CDC14B: variants seen among roughly 807,000 people sequenced by gnomAD.
CDC14B encodes the protein cell division cycle 14B.
In CDC14B, 22 loss-of-function variants were observed where a neutral mutation model predicts 64.2. The ratio of observed to expected loss-of-function variants is 0.34; its 90% CI spans 0.24 to 0.49. The LOEUF is 0.49. Among genes scored for constraint, CDC14B ranks in the 20% least tolerant of loss-of-function variants. The pLI is 0.99. For missense variants in CDC14B, 498 were observed against 629.9 expected, an observed-to-expected ratio of 0.79 and a Z score of 2.24; for synonymous variants, 191 against 215.8, an observed-to-expected ratio of 0.89 and a Z score of 1.01.
chr9:96,609,475 CT>C (rs1255463944), intron 1 of CDC14B, among the ~76,000 whole-genome samples: 2 of 152,292 alleles, frequency 1.3e-5, no homozygotes, highest in Admixed American at 6.5e-5. Context: ...TCCCTTGCCC[CT>C]CCATTCTTTA....
intron 1 of CDC14B, among the ~76,000 whole-genome samples, chr9:96,569,732 C>A (rs1184674279): frequency 6.6e-6 from 1 of 152,088 alleles, no homozygotes. Context: ...TCAAGCGATT[C>A]TCCTGCCTCA....
intron 12 of CDC14B, among the ~76,000 whole-genome samples, chr9:96,511,821 G>A (rs527500325): frequency 3.9e-5 from 6 of 152,252 alleles, no homozygotes; most frequent in East Asian, 1.9e-4. Flanking sequence ...AGGTGGTTGC[G>A]GTGGCTTATG....
intron 1 of CDC14B, among the ~76,000 whole-genome samples, chr9:96,613,923 C>T (rs940196746): frequency 2.0e-5 from 3 of 151,908 alleles, no homozygotes; most frequent in African/African-American, 4.8e-5. Flanking sequence ...ATAAATTTTC[C>T]CTGTCTAATG....
At chr9:96,555,939 T>C (rs1004765181) in intron 4 of CDC14B, among the ~76,000 whole-genome samples, 1 of 150,164 alleles carries the variant, frequency 6.7e-6, no homozygotes, top group Non-Finnish European at 1.5e-5. Flanking sequence ...CTCGGAGGTA[T>C]TGAACTAGCA....
chr9:96,606,527 TTGTGTGTGTGTGTG>T (rs376059971), intron 1 of CDC14B, among the ~76,000 whole-genome samples: 1,520 of 112,850 alleles, frequency 0.013, 41 homozygotes, highest in African/African-American at 0.046. Context: ...TACTAAAAGT[TTGTGTGTGTGTGTG>T]TGTGTGTGTG....
chr9:96,514,362 G>A (rs72745874), intron 12 of CDC14B: 15 of 874,868 alleles, frequency 1.7e-5, no homozygotes, highest in South Asian at 5.2e-5. Flanking sequence ...TGTGGCAATC[G>A]TAGTTGACTA....
exon 14 of CDC14B, chr9:96,491,275 ACT>A (rs1833091731): frequency 6.6e-6 from 1 of 152,252 alleles, no homozygotes; most frequent in Non-Finnish European, 1.5e-5. Flanking sequence ...ACTTTGCCAC[ACT>A]GTCTAAGGTG....
intron 1 of CDC14B, chr9:96,618,555 G>A (rs750557721): frequency 3.7e-6 from 2 of 533,484 alleles, no homozygotes; most frequent in African/African-American, 3.8e-5. Flanking sequence ...TTGCCGGCTG[G>A]CTCGAATGCC....
chr9:96,584,986 A>G (rs1845376947), intron 1 of CDC14B, among the ~76,000 whole-genome samples: 3 of 152,216 alleles, frequency 2.0e-5, no homozygotes, highest in Non-Finnish European at 2.9e-5. Flanking sequence ...TTTTGAATAC[A>G]TAATTGCCTT....
Position 96,502,164 on chromosome 9 carries a change from C to A in CDC14B, c.*1589G>T, listed in dbSNP as rs1248291724. 1 of 152,104 alleles carries A rather than the reference C, an allele frequency of 6.6e-6. No homozygotes were observed. Among genetic ancestry groups the A allele is most frequent in the East Asian group, 1.9e-4 (1 of 5,190 alleles). The allele number at this position is 152,104 out of a possible 1,614,324, so 9.4% of individuals were successfully genotyped here. On this transcript the variant is annotated 3_prime_UTR_variant, in exon 14 of 14. Coordinates refer to ENST00000375241, the MANE Select transcript of CDC14B (RefSeq NM_033331.4). ...CCACTGTTTTTCTGTGATCCAGTCC[C>A]CAGTGTTTAAAAGCTGGCCTGACCC...
At chr9:96,595,783 G>C (rs536670868) in intron 1 of CDC14B, among the ~76,000 whole-genome samples, 1 of 152,180 alleles carries the variant, frequency 6.6e-6, no homozygotes, top group African/African-American at 2.4e-5. Context: ...AAGTAGATTC[G>C]TAGTTGCGCC....
At chr9:96,498,732 T>C (rs759945133), downstream of CDC14B, among the ~76,000 whole-genome samples, 10 of 152,214 alleles carry the variant, frequency 6.6e-5, no homozygotes, top group Middle Eastern at 3.2e-3. Flanking sequence ...CCCGATACTG[T>C]TTTAAGCACT....
chr9:96,527,277 T>C (rs1349831331), intron 9 of CDC14B, among the ~76,000 whole-genome samples: 1 of 152,114 alleles, frequency 6.6e-6, no homozygotes, highest in South Asian at 2.1e-4. Flanking sequence ...CGGGCGCCTG[T>C]AGTCCCAGCT....
At chr9:96,503,900 T>C (rs764021065) in intron 13 of CDC14B, 111 bp from the exon 14 acceptor site, 1 of 796,838 alleles carries the variant, frequency 1.3e-6, no homozygotes, top group Non-Finnish European at 2.1e-6. Flanking sequence ...CTAAAAAGTA[T>C]ACGCTTGCTG....
rs57056796 is a variant in CDC14B, at chr9:96,574,697, C to CAAAAAAAAAAAAAAAAAAAAAAAAAAAAA, written c.161-9215_161-9214insTTTTTTTTTTTTTTTTTTTTTTTTTTTTT. ...GCAACAAGAGCGAAACTCGGTCTCACAAAAAAAAAAAAAAAAAAAAAAGAT... is the reference window on the plus strand; with the variant it reads ...GCAACAAGAGCGAAACTCGGTCTCACAAAAAAAAAAAAAAAAAAAAAAAAAAAAAAAAAAAAAAAAAAAAAAAAAAAGAT... On this transcript the variant is annotated intron_variant, in intron 1 of 13. Coordinates refer to ENST00000375241, the MANE Select transcript of CDC14B (RefSeq NM_033331.4). Among the ~76,000 whole-genome samples, 2 of 49,968 alleles carry CAAAAAAAAAAAAAAAAAAAAAAAAAAAAA rather than the reference C, an allele frequency of 4.0e-5. 1 individual carries two copies. The highest frequency in any genetic ancestry group is 1.7e-4 in the African/African-American group (2 of 11,910). The allele number at this position is 49,968 out of a possible 152,430, so 32.8% of individuals were successfully genotyped here. A position where few individuals can be genotyped will look rare whatever the true frequency, so the allele number is the denominator to read the frequency against.
chr9:96,507,620 T>TG (rs1369038873), intron 13 of CDC14B, among the ~76,000 whole-genome samples: 4 of 152,034 alleles, frequency 2.6e-5, no homozygotes, highest in African/African-American at 9.7e-5. Context: ...TTCACCATCT[T>TG]GGCCAGGCTG....
At chr9:96,519,320 C>T (rs1836278222) in intron 12 of CDC14B, among the ~76,000 whole-genome samples, 1 of 152,152 alleles carries the variant, frequency 6.6e-6, no homozygotes, top group Non-Finnish European at 1.5e-5. Context: ...TGAAGATCAG[C>T]TCAATGTCAT....
intron 1 of CDC14B, among the ~76,000 whole-genome samples, chr9:96,615,705 C>A (rs187906524): frequency 6.6e-6 from 1 of 152,124 alleles, no homozygotes; most frequent in Non-Finnish European, 1.5e-5. Context: ...AAACATTAAA[C>A]GTGGAGATAC....
At position 96,560,739 on chromosome 9, in the gene CDC14B, C is replaced by T. The variant is rs112624243; in HGVS notation, c.420+1954G>A. On this transcript the variant is annotated intron_variant, in intron 4 of 13. Transcript: ENST00000375241. ...CTGGGATTACAGGCGCCTGCCACCA[C>T]GCCTGCCAAACTACTCAAACTTTTT... Among the ~76,000 whole-genome samples, 1,136 of 150,658 alleles carry T rather than the reference C, an allele frequency of 7.5e-3. 24 individuals are homozygous for T. The highest frequency in any genetic ancestry group is 0.026 in the African/African-American group (1,055 of 40,708).
Sources: gnomAD v4.1 joint callset for allele counts (sites outside exome capture counted in the v4.1 genomes callset) on GRCh38, gnomAD v4.1.1 for gene constraint, MANE v1.5 for transcripts, NCBI Gene and HGNC (gene_info 2026-07-23, HGNC 2026-07-21) for gene names.